The following SSC4D variants were observed in gnomAD, a reference collection of about 807,000 sequenced individuals.
SSC4D encodes the protein scavenger receptor cysteine-rich domain-containing group B protein.
SSC4D carries 57 observed loss-of-function variants against 63.4 expected under a neutral mutation model. The observed-to-expected ratio is 0.90, with a 90% confidence interval of 0.73 to 1.12. The LOEUF (loss-of-function observed/expected upper bound fraction) is 1.12, where lower values mean the gene tolerates loss of function less well. SSC4D is among the 50% of genes most tolerant of loss of function. The pLI, the probability that SSC4D is intolerant of heterozygous loss-of-function variation, is 0.00. For missense variants in SSC4D, 791 were observed against 806.4 expected, an observed-to-expected ratio of 0.98 and a Z score of 0.23; for synonymous variants, 352 against 345.4, an observed-to-expected ratio of 1.02 and a Z score of -0.21.
chr7:76,391,477 TAGTCTCAGG>T (rs1804491846), intron 10 of SSC4D, among the ~76,000 whole-genome samples: 1 of 152,116 alleles, frequency 6.6e-6, no homozygotes, highest in Non-Finnish European at 1.5e-5. Flanking sequence ...TCCAGACCCA[TAGTCTCAGG>T]ACTGGGAGAA....
chr7:76,392,886 T>C (rs1474353784), intron 9 of SSC4D, among the ~76,000 whole-genome samples: 4 of 152,048 alleles, frequency 2.6e-5, no homozygotes, highest in Non-Finnish European at 5.9e-5. Flanking sequence ...AAGTAGGGCC[T>C]ACTAGCCCTG....
chr7:76,400,362 C>G lies in SSC4D; in HGVS notation c.399G>C (p.Ala133=). Residue 133 remains alanine, a synonymous_variant, in exon 4 of 11, where the codon GCG becomes GCC. Transcript: ENST00000275560. ...DNVECRGQEA[A]LSECGSRGWG... ...AGCCGCGGCTGCCGCACTCGCTCAG[C>G]GCAGCTTCCTGCCCGCGGCACTCCA... 6.3e-7 allele frequency: 1 copy of G among 1,582,224 alleles called. No individual in the cohort carries two copies. Among genetic ancestry groups the G allele is most frequent in the Non-Finnish European group, 8.6e-7 (1 of 1,160,712 alleles).
At position 76,390,305 on chromosome 7, in the gene SSC4D, C is replaced by T. The variant is rs1804467242; in HGVS notation, c.1482G>A (p.Trp494Ter). 2 of 1,611,464 alleles carry T rather than the reference C, an allele frequency of 1.2e-6. No homozygotes were observed. Among genetic ancestry groups the T allele is most frequent in the South Asian group, 1.1e-5 (1 of 90,760 alleles). ...CCCAAGCATCATCACAGACAGTGCCCCACCGTTGCCCTAGGTAGAGCTCTA... is the reference window on the plus strand; with the variant it reads ...CCCAAGCATCATCACAGACAGTGCCTCACCGTTGCCCTAGGTAGAGCTCTA... ...GRVELYLGQR[W>*]GTVCDDAWDL... Residue 494 changes from tryptophan (W) to a stop codon, truncating the protein, a stop_gained, in exon 11 of 11, where the codon TGG becomes TGA. Coordinates refer to ENST00000275560, the MANE Select transcript of SSC4D (RefSeq NM_080744.2). LOFTEE classifies it high-confidence loss of function.
intron 5 of SSC4D, among the ~76,000 whole-genome samples, chr7:76,398,050 T>TGGCCTG: frequency 6.6e-6 from 1 of 152,240 alleles, no homozygotes; most frequent in Admixed American, 6.5e-5. Context: ...CCCTGTCTCC[T>TGGCCTG]GGCAGCCTGG....
chr7:76,408,490 C>T (rs1197045640), intron 1 of SSC4D, among the ~76,000 whole-genome samples: 2 of 152,152 alleles, frequency 1.3e-5, no homozygotes. Flanking sequence ...ACTTCTCAGG[C>T]TGCTGGGATA....
In SSC4D at chr7:76,397,823, C is replaced by A; in HGVS notation, c.563G>T (p.Ser188Ile). The A allele has an allele frequency of 6.4e-7, 1 of 1,573,018 alleles. No homozygotes were observed. The highest frequency in any genetic ancestry group is 8.6e-7 in the Non-Finnish European group (1 of 1,156,574). ...GTTCGCGCCCCCTACCAGGCGTACG[C>A]TGCCCTCACCTGGGGATGGGGGCGG... ...TTLPNGKSEG[S>I]VRLVGGANLC... Residue 188 changes from serine (S) to isoleucine (I), a missense_variant, in exon 6 of 11, where the codon AGC becomes ATC. By Grantham distance (142) the Ser-to-Ile change is moderately radical. Transcript: ENST00000275560.
At position 76,390,145 on chromosome 7, in the gene SSC4D, C is replaced by A. The variant is rs1358959097; in HGVS notation, c.1642G>T (p.Ala548Ser). 1.2e-6 allele frequency: 2 copies of A among 1,614,264 alleles called. No individual in the cohort carries two copies. The highest frequency in any genetic ancestry group is 2.2e-5 in the East Asian group (1 of 44,888). ...DNVKCRGEESALLLCSHIRWD... is the reference protein window; with the variant it reads ...DNVKCRGEESSLLLCSHIRWD... ...CGGATATGAGAGCAGAGCAGCAGAG[C>A]ACTTTCTTCCCCACGGCACTTGACA... Residue 548 changes from alanine (A) to serine (S), a missense_variant, in exon 11 of 11, where the codon GCT becomes TCT. Transcript: ENST00000275560.
intron 6 of SSC4D, among the ~76,000 whole-genome samples, chr7:76,396,531 C>T (rs1029991827): frequency 6.6e-6 from 1 of 152,208 alleles, no homozygotes; most frequent in Non-Finnish European, 1.5e-5. Flanking sequence ...TGCATTGCCG[C>T]GTCAATGAAA....
chr7:76,402,304 C>T (rs761636137), intron 2 of SSC4D, among the ~76,000 whole-genome samples: 5 of 151,930 alleles, frequency 3.3e-5, no homozygotes, highest in South Asian at 4.2e-4. Context: ...CTCAGCCTCC[C>T]GAGTAATTGG....
In SSC4D at chr7:76,400,591, T is replaced by C; in HGVS notation, c.170A>G (p.Glu57Gly). Residue 57 changes from glutamate (E) to glycine (G), a missense_variant and splice_region_variant, in exon 4 of 11, where the codon GAG (glutamate) becomes GGG (glycine). Physicochemically the swap from Glu to Gly is moderately conservative, Grantham distance 98 (BLOSUM62 -2). Transcript: ENST00000275560. Reference protein sequence around the residue: ...ALQPTPLPFQELRLVGGPSRC... With the variant: ...ALQPTPLPFQGLRLVGGPSRC... ...GCTGGGGCCCCCCACCAGCCTCAGCTCTGTGAAGAGGGTGGAGCTGGCACC... is the reference window on the plus strand; with the variant it reads ...GCTGGGGCCCCCCACCAGCCTCAGCCCTGTGAAGAGGGTGGAGCTGGCACC... 6.8e-7 allele frequency: 1 copy of C among 1,463,896 alleles called. No individual in the cohort carries two copies. Among genetic ancestry groups the C allele is most frequent in the South Asian group, 1.4e-5 (1 of 71,338 alleles). 90.7% of individuals were successfully genotyped at this position (1,463,896 alleles called of 1,614,324 possible).
chr7:76,403,501 C>T lies in SSC4D; in HGVS notation c.133+806G>A, dbSNP rs375175286. Among the ~76,000 whole-genome samples, 25 of 150,388 alleles carry T rather than the reference C, an allele frequency of 1.7e-4. No homozygotes were observed. In the East Asian group the frequency reaches 1.8e-3, roughly 11 times the overall value. On this transcript the variant is annotated intron_variant, in intron 2 of 10. Coordinates refer to ENST00000275560, the MANE Select transcript of SSC4D (RefSeq NM_080744.2). ...TACAGGCGCCCGCCACCATGCCCAG[C>T]TATTTTTTGTATTTTTAGTAGAGAC... is the stretch of plus-strand genomic sequence containing the variant.
At position 76,390,153 on chromosome 7, in the gene SSC4D, TC is replaced by T. The variant is rs1382013120; in HGVS notation, c.1633del (p.Glu545LysfsTer46). The part of the protein sequence containing the change: ...ILLDNVKCRG[E>X]ESALLLCSHI... ...AGAGCAGAGCAGCAGAGCACTTTCT[TC>T]CCCACGGCACTTGACATTGTCCAGG... On this transcript the variant is annotated frameshift_variant, in exon 11 of 11. Coordinates refer to ENST00000275560, the MANE Select transcript of SSC4D (RefSeq NM_080744.2). LOFTEE classifies it high-confidence loss of function. 2.5e-6 allele frequency: 4 copies of T among 1,614,120 alleles called. No individual in the cohort carries two copies. The highest frequency in any genetic ancestry group is 3.4e-6 in the Non-Finnish European group (4 of 1,180,028).
chr7:76,396,132 A>C (rs1166216420), intron 6 of SSC4D, among the ~76,000 whole-genome samples: 1 of 152,212 alleles, frequency 6.6e-6, no homozygotes, highest in Non-Finnish European at 1.5e-5. Context: ...AACAAAAAAC[A>C]AAAAAACAAC....
At chr7:76,396,340 G>A (rs974778502) in intron 6 of SSC4D, among the ~76,000 whole-genome samples, 9 of 152,142 alleles carry the variant, frequency 5.9e-5, no homozygotes, top group Non-Finnish European at 1.3e-4. Context: ...CCATGGCAAC[G>A]CAGACAACCC....
chr7:76,405,786 A>T (rs1461028284), intron 1 of SSC4D, among the ~76,000 whole-genome samples: 1 of 151,958 alleles, frequency 6.6e-6, no homozygotes, highest in Non-Finnish European at 1.5e-5. Context: ...AAATGGTGGG[A>T]GAGGGGGTTG....
Position 76,390,381 on chromosome 7 carries a change from G to C in SSC4D, c.1412-6C>G, listed in dbSNP as rs200373443. The C allele has an allele frequency of 5.9e-5, 92 of 1,570,790 alleles. No individual in the cohort carries two copies. The highest frequency in any genetic ancestry group is 2.2e-4 in the Middle Eastern group (1 of 4,634). On this transcript the variant is annotated splice_polypyrimidine_tract_variant and splice_region_variant and intron_variant, in intron 10 of 10. Coordinates refer to ENST00000275560, the MANE Select transcript of SSC4D (RefSeq NM_080744.2). Reference sequence around the variant, plus strand: ...ATTGACCAGACGTAGATGCCCTGTGGGGGGACAGGGCTGGGTTGGAAGGGG... The same window carrying C: ...ATTGACCAGACGTAGATGCCCTGTGCGGGGACAGGGCTGGGTTGGAAGGGG...
In SSC4D at chr7:76,392,155, A is replaced by G; in HGVS notation, c.1334-114T>C. 6.9e-6 allele frequency: 7 copies of G among 1,012,510 alleles called. No homozygotes were observed. The South Asian group carries it at 1.1e-4, about 16-fold the overall frequency. 62.7% of individuals were successfully genotyped at this position (1,012,510 alleles called of 1,614,324 possible). On this transcript the variant is annotated intron_variant, in intron 9 of 10. Transcript: ENST00000275560. ...AAAGCCTGTCCTAGGGACAAAAAGG[A>G]CTTCACAGGTTCCTGAAGAACTGCT...
In SSC4D at chr7:76,397,632, G is replaced by A; in HGVS notation, c.754C>T (p.Leu252=). ...AFFGYGTGHI[L]LDNVHCEGGE... ...CCTTCGCAGTGCACGTTGTCCAGCA[G>A]GATGTGTCCGGTGCCATAGCCGAAG... Residue 252 remains leucine (L), a synonymous_variant, in exon 6 of 11, where the codon CTG becomes TTG. Transcript: ENST00000275560. The A allele has an allele frequency of 6.2e-7, 1 of 1,613,594 alleles. No individual in the cohort carries two copies. Among genetic ancestry groups the A allele is most frequent in the Non-Finnish European group, 8.5e-7 (1 of 1,179,816 alleles).
intron 6 of SSC4D, among the ~76,000 whole-genome samples, chr7:76,395,901 G>T (rs1804626956): frequency 2.0e-5 from 3 of 152,200 alleles, no homozygotes; most frequent in African/African-American, 7.2e-5. Context: ...CACCATGCTG[G>T]CTAGGCTGGT....
Sources: allele counts gnomAD v4.1 joint callset (sites outside exome capture counted in the v4.1 genomes callset), GRCh38; gene constraint gnomAD v4.1.1; transcripts MANE v1.5; gene names NCBI Gene and HGNC (gene_info 2026-07-23, HGNC 2026-07-21).